Variants in EDDM13 observed in about 807,000 individuals in gnomAD.
EDDM13 encodes epididymal protein 13.
A neutral mutation model predicts 17.8 loss-of-function variants in EDDM13; 24 were observed. That is an observed-to-expected ratio of 1.35 (90% CI 0.98 to 1.90). EDDM13 has a LOEUF of 1.90. EDDM13 is among the 40% of genes most tolerant of loss of function. The pLI is 0.00. For missense variants in EDDM13, 97 were observed against 100.8 expected, an observed-to-expected ratio of 0.96 and a Z score of 0.16; for synonymous variants, 31 against 37.5, an observed-to-expected ratio of 0.83 and a Z score of 0.63.
intron 1 of EDDM13, among the ~76,000 whole-genome samples, chr19:56,273,905 T>C (rs750715147): frequency 2.6e-5 from 4 of 152,150 alleles, no homozygotes; most frequent in Non-Finnish European, 5.9e-5. Context: ...TTAAACAATG[T>C]GTCTTGCCCT....
intron 14 of EDDM13, among the ~76,000 whole-genome samples, chr19:56,307,383 G>A (rs555232944): frequency 6.6e-6 from 1 of 152,050 alleles, no homozygotes; most frequent in Non-Finnish European, 1.5e-5. Flanking sequence ...AACTTTAAAA[G>A]AAAGAAAATC....
chr19:56,284,533 T>TC (rs2038961931), intron 5 of EDDM13, among the ~76,000 whole-genome samples: 1 of 144,566 alleles, frequency 6.9e-6, no homozygotes, highest in African/African-American at 2.5e-5. Context: ...TTTTTTTTTT[T>TC]TGAGACAGTC....
At chr19:56,293,894 G>A (rs1451338324) in intron 9 of EDDM13, among the ~76,000 whole-genome samples, 4 of 152,106 alleles carry the variant, frequency 2.6e-5, no homozygotes, top group Non-Finnish European at 5.9e-5. Flanking sequence ...TCGTCTGGAG[G>A]TTGAGAAACC....
chr19:56,278,820 G>A (rs991131802), intron 2 of EDDM13, among the ~76,000 whole-genome samples: 1 of 152,140 alleles, frequency 6.6e-6, no homozygotes. Context: ...GGAGTACCTG[G>A]AGTTCTGACA....
At chr19:56,278,089 T>A (rs922265584) in intron 2 of EDDM13, among the ~76,000 whole-genome samples, 4 of 147,170 alleles carry the variant, frequency 2.7e-5, no homozygotes, top group African/African-American at 9.8e-5. Context: ...CTTCAGTCTG[T>A]CACAATGTGC....
chr19:56,294,979 G>T (rs7259945), intron 9 of EDDM13: 52,861 of 152,098 alleles, frequency 0.35, 10,099 homozygotes, highest in East Asian at 0.74. Flanking sequence ...CGCGGGAGAG[G>T]GGGGTGAGCC....
intron 9 of EDDM13, among the ~76,000 whole-genome samples, chr19:56,292,018 G>T (rs758580786): frequency 2.6e-4 from 40 of 152,156 alleles, no homozygotes; most frequent in Non-Finnish European, 4.7e-4. Flanking sequence ...GAGGTATAAA[G>T]GTTAGGTAAC....
chr19:56,276,506 C>CTTTT (rs3059506), intron 2 of EDDM13, among the ~76,000 whole-genome samples: 1,728 of 139,696 alleles, frequency 0.012, 22 homozygotes, highest in African/African-American at 0.023. Context: ...CTAAAGAGCT[C>CTTTT]TTTTTTTTTT....
chr19:56,273,333 T>C (rs991082429), intron 1 of EDDM13, among the ~76,000 whole-genome samples: 5 of 152,208 alleles, frequency 3.3e-5, no homozygotes, highest in African/African-American at 1.2e-4. Flanking sequence ...TTTTGCGACG[T>C]AAAGACACCA....
intron 13 of EDDM13, 45 bp downstream of exon 13, chr19:56,302,140 G>A: frequency 8.2e-7 from 1 of 1,218,420 alleles, no homozygotes; most frequent in Non-Finnish European, 1.0e-6. Context: ...AGGAGAGGAA[G>A]GAAAGAGGAG....
chr19:56,292,857 G>A lies in EDDM13; in HGVS notation c.232+2011G>A, dbSNP rs1208978400. 2.6e-5 allele frequency among the ~76,000 whole-genome samples: 4 copies of A among 152,328 alleles called. No homozygotes were observed. In the East Asian group the frequency reaches 7.7e-4, roughly 29 times the overall value. On this transcript the variant is annotated intron_variant, in intron 9 of 14. Coordinates refer to ENST00000649256, the MANE Select transcript of EDDM13 (RefSeq NM_001354658.2). ...GTCTGGCTTCATCACTCAGCACAGT[G>A]TCCTCAAGGTTCAGCCACATTGTGG...
At chr19:56,290,587 G>A (rs1346814641) in intron 8 of EDDM13, among the ~76,000 whole-genome samples, 4 of 152,246 alleles carry the variant, frequency 2.6e-5, no homozygotes, top group African/African-American at 9.6e-5. Flanking sequence ...GGTTGGACAC[G>A]GTGGCTCATG....
At chr19:56,295,451 C>T (rs943162065) in intron 9 of EDDM13, among the ~76,000 whole-genome samples, 6 of 151,896 alleles carry the variant, frequency 4.0e-5, no homozygotes, top group Non-Finnish European at 5.9e-5. Flanking sequence ...AAAAATTAGC[C>T]GGGTGTGGTT....
chr19:56,302,583 CTTTTCTTCCTCTCCCT>C (rs1372447915), intron 13 of EDDM13, among the ~76,000 whole-genome samples: 1 of 59,240 alleles, frequency 1.7e-5, no homozygotes, highest in Non-Finnish European at 2.8e-5. Flanking sequence ...CTTCCTCCCC[CTTTTCTTCCTCTCCCT>C]CTTCTTCCTC....
At chr19:56,282,043 C>A (rs925292566) in intron 3 of EDDM13, among the ~76,000 whole-genome samples, 1 of 152,090 alleles carries the variant, frequency 6.6e-6, no homozygotes, top group African/African-American at 2.4e-5. Flanking sequence ...GGGGCCTTTG[C>A]TCTAGAATGT....
intron 5 of EDDM13, among the ~76,000 whole-genome samples, chr19:56,284,517 T>TTTA (rs2038960530): frequency 1.0e-5 from 1 of 99,570 alleles, no homozygotes; most frequent in Admixed American, 1.0e-4. Context: ...GCTGTAATTT[T>TTTA]TTTTTTTTTT....
intron 2 of EDDM13, among the ~76,000 whole-genome samples, 184 bp from the exon 3 acceptor site, chr19:56,281,509 A>G (rs2038704705): frequency 6.6e-6 from 1 of 152,232 alleles, no homozygotes; most frequent in East Asian, 1.9e-4. Flanking sequence ...GACAAACTAC[A>G]TAAAAATAGC....
At chr19:56,286,412 G>A (rs973157149) in intron 6 of EDDM13, 1 of 152,058 alleles carries the variant, frequency 6.6e-6, no homozygotes, top group Non-Finnish European at 1.5e-5. Context: ...TGTTCTTGCT[G>A]CATCTATGCA....
At chr19:56,283,269 T>C (rs1166769357) in intron 4 of EDDM13, 2 of 152,218 alleles carry the variant, frequency 1.3e-5, no homozygotes, top group African/African-American at 2.4e-5. Flanking sequence ...ATCATTATTA[T>C]TATTACGTAC....
Sources: allele counts gnomAD v4.1 joint callset (sites outside exome capture counted in the v4.1 genomes callset), GRCh38; gene constraint gnomAD v4.1.1; transcripts MANE v1.5; gene names NCBI Gene and HGNC (gene_info 2026-07-23, HGNC 2026-07-21).